Variants in SLC9A1 observed in about 807,000 individuals in gnomAD.
The protein encoded by SLC9A1 is sodium/hydrogen exchanger 1.
In SLC9A1, 22 loss-of-function variants were observed where a neutral mutation model predicts 67.9. The observed-to-expected ratio is 0.32, with a 90% CI of 0.23 to 0.46. The LOEUF (loss-of-function observed/expected upper bound fraction) is 0.46. Among genes scored for constraint, SLC9A1 ranks in the 20% least tolerant of loss-of-function variants. SLC9A1 has a pLI of 1.00. For synonymous variants in SLC9A1, 421 were observed against 471.8 expected (o/e 0.89, Z 1.40); for missense variants, 686 against 1,094.8 (o/e 0.63, Z 5.27).
chr1:27,105,714 T>C (rs1570846728), intron 5 of SLC9A1, 171 bp downstream of exon 5: 1 of 720,874 alleles, frequency 1.4e-6, no homozygotes, highest in Non-Finnish European at 2.6e-6. Context: ...ACTTTACGAT[T>C]GAAGAAACTG....
chr1:27,103,947 C>T (rs1237284401), intron 5 of SLC9A1: 1 of 152,440 alleles, frequency 6.6e-6, no homozygotes, highest in Non-Finnish European at 1.5e-5. Context: ...GGGAGGCCCC[C>T]TCCCCAATGT....
chr1:27,133,343 T>C (rs2083398525), intron 1 of SLC9A1, among the ~76,000 whole-genome samples: 1 of 151,846 alleles, frequency 6.6e-6, no homozygotes, highest in South Asian at 2.1e-4. Flanking sequence ...GTGCTGTGAT[T>C]ACAGGCATGA....
At chr1:27,122,924 C>T (rs1013752911) in intron 1 of SLC9A1, among the ~76,000 whole-genome samples, 10 of 151,480 alleles carry the variant, frequency 6.6e-5, no homozygotes, top group African/African-American at 2.2e-4. Flanking sequence ...GGCAGAGCTC[C>T]AACAGGCCCA....
In SLC9A1 at chr1:27,147,222, C is replaced by T. The variant is rs368372983; in HGVS notation, c.352+6761G>A. ...GGCTGAGGCAGAAGAATCACTTGAA[C>T]CCGGGAGGCGGAGGTTGCAGTGAGC... On this transcript the variant is annotated intron_variant, in intron 1 of 11. Coordinates refer to ENST00000263980, the MANE Select transcript of SLC9A1 (RefSeq NM_003047.5). 2.1e-5 allele frequency among the ~76,000 whole-genome samples: 3 copies of T among 144,822 alleles called. No homozygotes were observed. In the South Asian group the frequency reaches 6.9e-4, roughly 33 times the overall value.
chr1:27,130,558 C>G (rs1478393953), intron 1 of SLC9A1, among the ~76,000 whole-genome samples: 1 of 152,228 alleles, frequency 6.6e-6, no homozygotes, highest in East Asian at 1.9e-4. Context: ...GCCTGCAGGC[C>G]TCTGCTCAAA....
In SLC9A1 at chr1:27,099,179, T is replaced by G. The variant is rs1455086843; in HGVS notation, c.*1128A>C. 1 of 152,686 alleles carries G rather than the reference T, an allele frequency of 6.5e-6. No individual in the cohort carries two copies. Among genetic ancestry groups the G allele is most frequent in the Non-Finnish European group, 1.5e-5 (1 of 68,292 alleles). The allele number at this position is 152,686 out of a possible 1,614,324, so 9.5% of individuals were successfully genotyped here. On this transcript the variant is annotated 3_prime_UTR_variant, in exon 12 of 12. Coordinates refer to ENST00000263980, the MANE Select transcript of SLC9A1 (RefSeq NM_003047.5). Reference sequence around the variant, plus strand: ...CTTCTCCCCCCCACCGCCTCCACAATGGGCTCCACAGCAGGCAGGGTGTGG... The same window carrying G: ...CTTCTCCCCCCCACCGCCTCCACAAGGGGCTCCACAGCAGGCAGGGTGTGG...
intron 1 of SLC9A1, among the ~76,000 whole-genome samples, chr1:27,151,216 TGC>T (rs1243553263): frequency 3.9e-5 from 6 of 152,214 alleles, no homozygotes; most frequent in African/African-American, 1.4e-4. Flanking sequence ...GGGATGCATT[TGC>T]TGTAGGTGGT....
rs779354383 is a variant in SLC9A1 at position 27,109,316 on chromosome 1, G to A, written c.1064+211C>T. 6.6e-6 allele frequency among the ~76,000 whole-genome samples: 1 copy of A among 152,090 alleles called. No individual in the cohort carries two copies. Among genetic ancestry groups the A allele is most frequent in the Non-Finnish European group, 1.5e-5 (1 of 68,030 alleles). ...TCCCGATTCCTGGACCCCAGGGGGC[G>A]CTGCAGAAGTGCTCCTCTTCTAGGA... On this transcript the variant is annotated intron_variant, in intron 3 of 11. Transcript: ENST00000263980. The surrounding 1 kb of genome is among the most constrained non-coding windows in gnomAD (Gnocchi z 5.5).
At chr1:27,133,652 C>T (rs1287579087) in intron 1 of SLC9A1, among the ~76,000 whole-genome samples, 3 of 152,044 alleles carry the variant, frequency 2.0e-5, no homozygotes, top group Non-Finnish European at 4.4e-5. Flanking sequence ...GCATCTCCCG[C>T]CCCATCCAAA....
chr1:27,138,700 G>A (rs965368687), intron 1 of SLC9A1, among the ~76,000 whole-genome samples: 2 of 152,148 alleles, frequency 1.3e-5, no homozygotes, highest in Non-Finnish European at 2.9e-5. Context: ...GAACAGGCCT[G>A]GCAAGGCAGA....
intron 1 of SLC9A1, among the ~76,000 whole-genome samples, chr1:27,132,820 G>A (rs2083394722): frequency 6.6e-6 from 1 of 152,188 alleles, no homozygotes; most frequent in Non-Finnish European, 1.5e-5. Context: ...CTGGCTCCCT[G>A]ATTATCATTG....
In SLC9A1 at chr1:27,152,208, C is replaced by G. The variant is rs181238638; in HGVS notation, c.352+1775G>C. 3.9e-5 allele frequency among the ~76,000 whole-genome samples: 6 copies of G among 152,288 alleles called. No individual in the cohort carries two copies. The East Asian group carries it at 1.2e-3, about 29-fold the overall frequency. The stretch of plus-strand genomic sequence containing the variant: ...AAAGCAGGCCAGGCCAAGCTGACCT[C>G]ATTAGCACTAGAGATACCAGGCCTG... On this transcript the variant is annotated intron_variant, in intron 1 of 11. Coordinates refer to ENST00000263980, the MANE Select transcript of SLC9A1 (RefSeq NM_003047.5).
Position 27,109,419 on chromosome 1 carries a change from T to A in SLC9A1, c.1064+108A>T. On this transcript the variant is annotated intron_variant, in intron 3 of 11. Transcript: ENST00000263980. This position sits in a 1 kb window ranked among gnomAD's most constrained non-coding sequence, Gnocchi z 5.5. ...GGAGTTCATGTCTCATCCCTGGAGC[T>A]CAAGGCTGGGCCCTGGGAGCTCCGT... is the stretch of plus-strand genomic sequence containing the variant. The A allele has an allele frequency of 8.0e-7, 1 of 1,243,580 alleles. No homozygotes were observed. The highest frequency in any genetic ancestry group is 1.1e-6 in the Non-Finnish European group (1 of 873,538). The allele number at this position is 1,243,580 out of a possible 1,614,324, so 77.0% of individuals were successfully genotyped here. A position where few individuals can be genotyped will look rare whatever the true frequency, so the allele number is the denominator to read the frequency against.
Position 27,101,924 on chromosome 1 carries a change from G to T in SLC9A1, c.1935+92C>A. 7.1e-7 allele frequency: 1 copy of T among 1,406,940 alleles called. No homozygotes were observed. The highest frequency in any genetic ancestry group is 1.0e-6 in the Non-Finnish European group (1 of 996,680). 87.2% of individuals were successfully genotyped at this position (1,406,940 alleles called of 1,614,324 possible). On this transcript the variant is annotated intron_variant, in intron 9 of 11. Coordinates refer to ENST00000263980, the MANE Select transcript of SLC9A1 (RefSeq NM_003047.5). The surrounding 1 kb of genome is among the most constrained non-coding windows in gnomAD (Gnocchi z 4.9). ...GGAGGCCGGGCCAGTCCTGGGGTGG[G>T]TGCCGAGGGGCACGGGCAGGGCAGG...
chr1:27,138,002 T>G (rs2083430318), intron 1 of SLC9A1, among the ~76,000 whole-genome samples: 1 of 152,228 alleles, frequency 6.6e-6, no homozygotes, highest in Non-Finnish European at 1.5e-5. Context: ...CAGCTTGAGC[T>G]GCTGGCAGGC....
chr1:27,113,353 G>A (rs1337959303), intron 2 of SLC9A1, among the ~76,000 whole-genome samples: 4 of 152,158 alleles, frequency 2.6e-5, no homozygotes, highest in African/African-American at 9.7e-5. Flanking sequence ...CTAGCCACTC[G>A]GAAGGCTGAG....
At chr1:27,115,587 AG>A (rs1426412424) in intron 1 of SLC9A1, among the ~76,000 whole-genome samples, 1 of 151,868 alleles carries the variant, frequency 6.6e-6, no homozygotes, top group Non-Finnish European at 1.5e-5. Context: ...CTGAGGTGGG[AG>A]GAACACTTGA....
At chr1:27,112,535 T>C (rs1570854630) in intron 2 of SLC9A1, among the ~76,000 whole-genome samples, 1 of 152,304 alleles carries the variant, frequency 6.6e-6, no homozygotes, top group East Asian at 1.9e-4. Context: ...TATATGGTGC[T>C]ACCACGTGCA....
chr1:27,123,372 T>A (rs1404637079), intron 1 of SLC9A1, among the ~76,000 whole-genome samples: 1 of 152,212 alleles, frequency 6.6e-6, no homozygotes, highest in Non-Finnish European at 1.5e-5. Context: ...TATGTGTGAA[T>A]GGTAAATCAC....
Sources: allele counts gnomAD v4.1 joint callset (sites outside exome capture counted in the v4.1 genomes callset), GRCh38; gene constraint gnomAD v4.1.1; non-coding constraint Gnocchi (gnomAD v3.1); transcripts MANE v1.5; gene names NCBI Gene and HGNC (gene_info 2026-07-23, HGNC 2026-07-21).